COL28A1: variants seen among roughly 807,000 people sequenced by gnomAD.
COL28A1 encodes collagen alpha-1(XXVIII) chain.
A neutral mutation model predicts 150.2 loss-of-function variants in COL28A1; 161 were observed. The observed-to-expected ratio is 1.07, with a 90% CI of 0.94 to 1.22. The LOEUF (loss-of-function observed/expected upper bound fraction) is 1.22. Among genes scored for constraint, COL28A1 ranks in the 50% most tolerant of loss-of-function variants. The pLI, the probability that COL28A1 is intolerant of heterozygous loss-of-function variation, is 0.00. For missense variants in COL28A1, 1,617 were observed against 1,388.3 expected (o/e 1.16, Z -2.62); for synonymous variants, 552 against 469.7 (o/e 1.18, Z -2.26).
chr7:7,386,594 A>C (rs1417099277), intron 27 of COL28A1, among the ~76,000 whole-genome samples: 1 of 152,200 alleles, frequency 6.6e-6, no homozygotes, highest in Non-Finnish European at 1.5e-5. Context: ...TAAAATTTTT[A>C]ACAGGATGCT....
chr7:7,531,416 C>A lies in COL28A1; in HGVS notation c.613G>T (p.Asp205Tyr), dbSNP rs756104418. 4 of 1,600,674 alleles carry A rather than the reference C, an allele frequency of 2.5e-6. No individual in the cohort carries two copies. Among genetic ancestry groups the A allele is most frequent in the Non-Finnish European group, 3.4e-6 (4 of 1,169,700 alleles). ...NEAKLRLISGDSSSEPTLLLS... is the reference protein window; with the variant it reads ...NEAKLRLISGYSSSEPTLLLS... ...AGTAAAGTGGGTTCACTGGATGAATCCCCAGAAATCAAACGAAGTTTGGCT... is the reference window on the plus strand; with the variant it reads ...AGTAAAGTGGGTTCACTGGATGAATACCCAGAAATCAAACGAAGTTTGGCT... Residue 205 changes from aspartate to tyrosine, a missense_variant, in exon 3 of 35, where the codon GAT (aspartate) becomes TAT (tyrosine). Physicochemically the swap from Asp to Tyr is radical, Grantham distance 160 (BLOSUM62 -3). Transcript: ENST00000399429.
chr7:7,495,554 G>A (rs557670933), intron 11 of COL28A1, among the ~76,000 whole-genome samples: 1 of 152,070 alleles, frequency 6.6e-6, no homozygotes, highest in Non-Finnish European at 1.5e-5. Context: ...TCCCACCTCA[G>A]GGAAGGGCAC....
At chr7:7,443,693 T>C (rs754349054) in intron 19 of COL28A1, 40 bp from the exon 20 acceptor site, 4 of 1,612,728 alleles carry the variant, frequency 2.5e-6, no homozygotes, top group Non-Finnish European at 2.5e-6. Context: ...GACCCTCCAG[T>C]AGACAGACTG....
intron 33 of COL28A1, among the ~76,000 whole-genome samples, chr7:7,367,650 G>A (rs2128281476): frequency 6.6e-6 from 1 of 151,962 alleles, no homozygotes; most frequent in African/African-American, 2.4e-5. Flanking sequence ...AGCTTCATAT[G>A]TCCTAGTCTG....
chr7:7,476,696 T>G (rs1562777254), intron 14 of COL28A1, among the ~76,000 whole-genome samples: 1 of 152,204 alleles, frequency 6.6e-6, no homozygotes, highest in South Asian at 2.1e-4. Context: ...GTAGTAAAAT[T>G]TTCTTTCTTA....
At chr7:7,430,123 G>GT (rs768157652) in intron 25 of COL28A1, among the ~76,000 whole-genome samples, 1 of 151,962 alleles carries the variant, frequency 6.6e-6, no homozygotes, top group Non-Finnish European at 1.5e-5. Flanking sequence ...TAAGAATTGG[G>GT]TTTTTTATGT....
chr7:7,364,950 C>T (rs1170563454), intron 33 of COL28A1, among the ~76,000 whole-genome samples: 2 of 152,106 alleles, frequency 1.3e-5, no homozygotes, highest in Non-Finnish European at 1.5e-5. Context: ...ATGCAAAGAG[C>T]GAAAGAGAAA....
intron 11 of COL28A1, among the ~76,000 whole-genome samples, chr7:7,492,586 TA>T (rs869141497): frequency 1.8e-4 from 17 of 94,690 alleles, no homozygotes; most frequent in Non-Finnish European, 2.9e-4. Context: ...CTCCGTCTGT[TA>T]AAAAAAAAAA....
chr7:7,482,552 A>G (rs10244711), intron 13 of COL28A1, among the ~76,000 whole-genome samples: 22,246 of 150,776 alleles, frequency 0.15, 1,774 homozygotes, highest in Middle Eastern at 0.22. Context: ...AATTCACATC[A>G]TTGATTTTTT....
At chr7:7,366,709 G>A (rs1780949223) in intron 33 of COL28A1, among the ~76,000 whole-genome samples, 1 of 152,192 alleles carries the variant, frequency 6.6e-6, no homozygotes, top group African/African-American at 2.4e-5. Context: ...ACAGAGTTAG[G>A]TGTCTTAAGG....
intron 9 of COL28A1, among the ~76,000 whole-genome samples, chr7:7,508,176 G>A (rs181725952): frequency 1.7e-4 from 25 of 151,474 alleles, no homozygotes; most frequent in African/African-American, 5.3e-4. Context: ...AGCTTGCAGT[G>A]AGCTGAGATC....
intron 27 of COL28A1, among the ~76,000 whole-genome samples, chr7:7,403,414 T>C (rs1783326257): frequency 6.6e-6 from 1 of 152,244 alleles, no homozygotes; most frequent in Non-Finnish European, 1.5e-5. Flanking sequence ...TGACTTGTTT[T>C]CTTGATAAAT....
chr7:7,522,636 C>CATAGAG (rs923668183), intron 4 of COL28A1, among the ~76,000 whole-genome samples: 1 of 151,862 alleles, frequency 6.6e-6, no homozygotes, highest in African/African-American at 2.4e-5. Context: ...GTTTTGCTGG[C>CATAGAG]ATAGAGGTCA....
chr7:7,342,822 A>G, the COL28A1 span, among the ~76,000 whole-genome samples: 29 of 152,128 alleles, frequency 1.9e-4, 1 homozygote, highest in East Asian at 4.1e-3. Context: ...TTTTACATAC[A>G]TATTTATCAA....
At chr7:7,412,615 T>A (rs148535513) in intron 27 of COL28A1, among the ~76,000 whole-genome samples, 1 of 152,184 alleles carries the variant, frequency 6.6e-6, no homozygotes, top group Non-Finnish European at 1.5e-5. Context: ...ACACATACTA[T>A]CTAATTTCAA....
chr7:7,502,052 G>A (rs367745377), intron 11 of COL28A1, among the ~76,000 whole-genome samples: 25 of 152,180 alleles, frequency 1.6e-4, no homozygotes, highest in African/African-American at 5.8e-4. Flanking sequence ...CCGCCACCAC[G>A]CCCGGCTAAT....
chr7:7,452,175 A>G, intron 18 of COL28A1, 144 bp downstream of exon 18: 1 of 1,201,256 alleles, frequency 8.3e-7, no homozygotes, highest in Non-Finnish European at 1.1e-6. Context: ...TTGCAGTAGT[A>G]GTAGCCGCAC....
intron 13 of COL28A1, among the ~76,000 whole-genome samples, chr7:7,478,933 C>A (rs748983309): frequency 6.6e-6 from 1 of 152,260 alleles, no homozygotes; most frequent in Non-Finnish European, 1.5e-5. Flanking sequence ...CTCCACACCT[C>A]CCCGCAGGCT....
At chr7:7,364,745 A>C (rs1023379011) in intron 33 of COL28A1, among the ~76,000 whole-genome samples, 2 of 152,110 alleles carry the variant, frequency 1.3e-5, no homozygotes, top group African/African-American at 4.8e-5. Context: ...CCCCTCCACT[A>C]TCTTGTATAA....
Sources: allele counts gnomAD v4.1 joint callset (sites outside exome capture counted in the v4.1 genomes callset), GRCh38; gene constraint gnomAD v4.1.1; transcripts MANE v1.5; gene names NCBI Gene and HGNC (gene_info 2026-07-23, HGNC 2026-07-21).